LRRC8B: variants seen among roughly 807,000 people sequenced by gnomAD.
The protein encoded by LRRC8B is leucine rich repeat containing 8 VRAC subunit B, also known as volume-regulated anion channel subunit LRRC8B.
Under a neutral mutation model 58.8 loss-of-function variants are expected in LRRC8B, and 23 were observed. That is an observed-to-expected ratio of 0.39 (90% CI 0.28 to 0.55). The LOEUF (loss-of-function observed/expected upper bound fraction) is 0.55, where lower values mean the gene tolerates loss of function less well. Ranked by LOEUF, LRRC8B falls within the 20% of genes least tolerant of loss-of-function variation. The pLI is 0.62. For missense variants in LRRC8B, 694 were observed against 936.0 expected (o/e 0.74, Z 3.37); for synonymous variants, 359 against 374.1 (o/e 0.96, Z 0.47).
At position 89,583,550 on chromosome 1, in the gene LRRC8B, G is replaced by A. The variant is rs1276083668; in HGVS notation, c.900G>A (p.Lys300=). The A allele has an allele frequency of 6.2e-7, 1 of 1,611,932 alleles. No individual in the cohort carries two copies. ...SVDVQAFTGY[K]RYQCVYSLAE... is the part of the protein sequence containing the mutation. Reference sequence around the variant, plus strand: ...ATGTGCAGGCTTTTACAGGATATAAGCGCTACCAGTGTGTCTATTCCTTGG... The same window carrying A: ...ATGTGCAGGCTTTTACAGGATATAAACGCTACCAGTGTGTCTATTCCTTGG... Residue 300 remains lysine (K), a synonymous_variant, in exon 5 of 6, where the codon AAG becomes AAA. Transcript: ENST00000330947. The surrounding 1 kb of genome is among the most constrained non-coding windows in gnomAD (Gnocchi z 5.2).
intron 1 of LRRC8B, among the ~76,000 whole-genome samples, chr1:89,556,008 C>T (rs1390255016): frequency 3.9e-5 from 6 of 152,292 alleles, no homozygotes; most frequent in South Asian, 2.1e-4. Flanking sequence ...CTGTAGGCAC[C>T]TGGGTAGCTT....
At position 89,584,321 on chromosome 1, in the gene LRRC8B, A is replaced by C; in HGVS notation, c.1671A>C (p.Thr557=). ...TCTCCCGGATCCCACAAGTTGTTACAGACCTCCTGCCTTCATTGCAGAAAC... is the reference window on the plus strand; with the variant it reads ...TCTCCCGGATCCCACAAGTTGTTACCGACCTCCTGCCTTCATTGCAGAAAC... ...SSLSRIPQVV[T]DLLPSLQKLS... is the part of the protein sequence containing the mutation. The change falls in exon 5 of 6, where the codon ACA becomes ACC. Residue 557 remains threonine (T), a synonymous_variant. Coordinates refer to ENST00000330947, the MANE Select transcript of LRRC8B (RefSeq NM_001369817.2). 1 of 1,614,184 alleles carries C rather than the reference A, an allele frequency of 6.2e-7. No homozygotes were observed. Among genetic ancestry groups the C allele is most frequent in the Non-Finnish European group, 8.5e-7 (1 of 1,180,042 alleles).
intron 3 of LRRC8B, among the ~76,000 whole-genome samples, chr1:89,573,414 ATTAT>A (rs1245991655): frequency 1.3e-5 from 2 of 151,804 alleles, no homozygotes; most frequent in Non-Finnish European, 2.9e-5. Context: ...ACTATTTATA[ATTAT>A]TTATTTTATT....
At chr1:89,588,824 G>GCAGACTGCAGCCTGGGGGTCAAGTCTA (rs1404497175) in intron 5 of LRRC8B, among the ~76,000 whole-genome samples, 4 of 152,200 alleles carry the variant, frequency 2.6e-5, no homozygotes, top group Non-Finnish European at 5.9e-5. Context: ...CACTGAGTCC[G>GCAGACTGCAGCCTGGGGGTCAAGTCTA]CAGACTGCAG....
intron 1 of LRRC8B, among the ~76,000 whole-genome samples, chr1:89,528,676 A>G (rs1021849379): frequency 1.3e-5 from 2 of 152,222 alleles, no homozygotes; most frequent in Non-Finnish European, 2.9e-5. Context: ...TATGGCTGGT[A>G]TGATGGTTCT....
At chr1:89,582,246 G>GA (rs36021592) in intron 4 of LRRC8B, among the ~76,000 whole-genome samples, 1 of 151,708 alleles carries the variant, frequency 6.6e-6, no homozygotes, top group African/African-American at 2.4e-5. Flanking sequence ...AAGAAAGAAA[G>GA]AAAAAAATAT....
intron 1 of LRRC8B, among the ~76,000 whole-genome samples, chr1:89,549,706 T>C (rs1651669712): frequency 6.6e-6 from 1 of 152,338 alleles, no homozygotes; most frequent in Admixed American, 6.5e-5. Flanking sequence ...CATAAAAAAC[T>C]AAATTGTCCC....
chr1:89,578,778 A>T (rs1654028437), intron 3 of LRRC8B, among the ~76,000 whole-genome samples: 1 of 152,144 alleles, frequency 6.6e-6, no homozygotes, highest in African/African-American at 2.4e-5. Flanking sequence ...AAAAGATATA[A>T]TTTTTACTTT....
chr1:89,545,561 T>C (rs1651339398), intron 1 of LRRC8B, among the ~76,000 whole-genome samples: 1 of 152,192 alleles, frequency 6.6e-6, no homozygotes, highest in Non-Finnish European at 1.5e-5. Flanking sequence ...CAGAATTTGG[T>C]TAATATGCTG....
chr1:89,541,659 C>T (rs905488366), intron 1 of LRRC8B, among the ~76,000 whole-genome samples: 5 of 127,462 alleles, frequency 3.9e-5, no homozygotes, highest in Admixed American at 9.7e-5. Context: ...TGCAGTGAGC[C>T]GAGATCCCGC....
At chr1:89,556,559 A>T (rs1652206827) in intron 1 of LRRC8B, among the ~76,000 whole-genome samples, 1 of 152,018 alleles carries the variant, frequency 6.6e-6, no homozygotes, top group Non-Finnish European at 1.5e-5. Context: ...GTGGAGTCTG[A>T]TGCTAACTCT....
At chr1:89,582,594 C>T in intron 4 of LRRC8B, 31 bp from the exon 5 acceptor site, 1 of 1,257,710 alleles carries the variant, frequency 8.0e-7, no homozygotes, top group Non-Finnish European at 1.1e-6. Context: ...GTACTTGCTT[C>T]AGTAGTGTTT....
chr1:89,529,024 A>G (rs1649910959), intron 1 of LRRC8B, among the ~76,000 whole-genome samples: 1 of 152,210 alleles, frequency 6.6e-6, no homozygotes. Context: ...GGAGACTCAA[A>G]TCCTTAGAAA....
intron 1 of LRRC8B, among the ~76,000 whole-genome samples, chr1:89,531,858 G>A (rs747688891): frequency 6.6e-6 from 1 of 152,166 alleles, no homozygotes; most frequent in Non-Finnish European, 1.5e-5. Context: ...GCCTAGTGTT[G>A]TGTGTGGTGG....
intron 1 of LRRC8B, among the ~76,000 whole-genome samples, chr1:89,532,117 C>T (rs773177565): frequency 2.0e-5 from 3 of 152,168 alleles, no homozygotes; most frequent in Admixed American, 1.3e-4. Context: ...ACTTTCTTCT[C>T]AAGAGTCAGC....
At chr1:89,576,789 C>T (rs1008829974) in intron 3 of LRRC8B, among the ~76,000 whole-genome samples, 2 of 152,068 alleles carry the variant, frequency 1.3e-5, no homozygotes, top group African/African-American at 2.4e-5. Flanking sequence ...ACTGTACTAA[C>T]AAGATTTGAA....
rs1471426282 is a variant in LRRC8B at position 89,524,991 on chromosome 1, G to C, written c.-272G>C. On this transcript the variant is annotated 5_prime_UTR_variant, in exon 1 of 6. Transcript: ENST00000330947. ...GAGCGGCCCAGGAGCACGCCGCGGG[G>C]AGCGCGGGCGTCCGGGGCTGGAGTC... 1 of 152,120 alleles carries C rather than the reference G, an allele frequency of 6.6e-6. No homozygotes were observed. Among genetic ancestry groups the C allele is most frequent in the African/African-American group, 2.4e-5 (1 of 41,440 alleles). 9.4% of individuals were successfully genotyped at this position (152,120 alleles called of 1,614,324 possible).
At chr1:89,589,898 C>T (rs7548499) in intron 5 of LRRC8B, among the ~76,000 whole-genome samples, 8 of 146,524 alleles carry the variant, frequency 5.5e-5, no homozygotes, top group East Asian at 4.0e-4. Context: ...ATCCTGTTCT[C>T]GGGGACTTCA....
In LRRC8B at chr1:89,594,632, T is replaced by A. The variant is rs359905; in HGVS notation, c.*1589T>A. ...CCACAAAGAAATAGATCCATTTAAC[T>A]GAAATTCATCTCATGCCTTTATCTA... On this transcript the variant is annotated 3_prime_UTR_variant, in exon 6 of 6. Transcript: ENST00000330947. The A allele has an allele frequency of 1.9e-4, 29 of 152,178 alleles. No homozygotes were observed. Among genetic ancestry groups the A allele is most frequent in the Admixed American group, 1.9e-3 (29 of 15,276 alleles). 9.4% of individuals were successfully genotyped at this position (152,178 alleles called of 1,614,324 possible).
Sources: gnomAD v4.1 joint callset for allele counts (sites outside exome capture counted in the v4.1 genomes callset) on GRCh38, gnomAD v4.1.1 for gene constraint, Gnocchi (gnomAD v3.1) non-coding constraint, MANE v1.5 for transcripts, NCBI Gene and HGNC (gene_info 2026-07-23, HGNC 2026-07-21) for gene names.